The following CCDC77 variants were observed in gnomAD, a reference collection of about 807,000 sequenced individuals.
The protein encoded by CCDC77 is coiled-coil domain containing 77, also known as coiled-coil domain-containing protein 77.
CCDC77 carries 56 observed loss-of-function variants against 66.8 expected under a neutral mutation model. The observed-to-expected ratio is 0.84, with a 90% CI of 0.68 to 1.05. CCDC77 has a LOEUF of 1.05. Ranked by LOEUF, CCDC77 falls within the 50% of genes least tolerant of loss-of-function variation. CCDC77 has a pLI of 0.00. For missense variants in CCDC77, 570 were observed against 576.8 expected (o/e 0.99, Z 0.12); for synonymous variants, 196 against 195.2 (o/e 1.00, Z -0.03).
Position 431,929 on chromosome 12 carries a change from G to C in CCDC77, c.647G>C (p.Arg216Thr). 6.2e-7 allele frequency: 1 copy of C among 1,611,550 alleles called. No individual in the cohort carries two copies. The highest frequency in any genetic ancestry group is 1.1e-5 in the South Asian group (1 of 90,934). Residue 216 changes from arginine (R) to threonine (T), a missense_variant, in exon 8 of 13, where the codon AGA becomes ACA. Coordinates refer to ENST00000239830, the MANE Select transcript of CCDC77 (RefSeq NM_032358.4). ...ERKESSEHYQ[R>T]DIQTLILQVE... ...AAAGAAAGTTCTGAGCATTACCAAA[G>C]AGACATACAGACACTCATCCTACAG...
At chr12:399,854 C>G (rs1372640260), upstream of CCDC77, among the ~76,000 whole-genome samples, 1 of 152,182 alleles carries the variant, frequency 6.6e-6, no homozygotes, top group East Asian at 1.9e-4. Context: ...CTTAAAGTCA[C>G]CAGTTGCATT....
intron 1 of CCDC77, among the ~76,000 whole-genome samples, chr12:396,354 T>C (rs1944828344): frequency 6.6e-6 from 1 of 152,078 alleles, no homozygotes; most frequent in Non-Finnish European, 1.5e-5. Context: ...ATTATGCCAC[T>C]GCACTCCAGC....
chr12:413,139 C>T (rs1344005669), intron 4 of CCDC77, among the ~76,000 whole-genome samples: 1 of 151,488 alleles, frequency 6.6e-6, no homozygotes, highest in East Asian at 1.9e-4. Flanking sequence ...GGGGTTTCAC[C>T]GTGTTAGCCA....
intron 1 of CCDC77, among the ~76,000 whole-genome samples, chr12:389,761 G>C (rs1205097136): frequency 1.3e-5 from 2 of 152,186 alleles, no homozygotes; most frequent in Admixed American, 1.3e-4. Flanking sequence ...TTCGTAATTT[G>C]TTTTAACCTA....
chr12:423,486 T>G (rs978307724), intron 5 of CCDC77, among the ~76,000 whole-genome samples: 9 of 32,136 alleles, frequency 2.8e-4, no homozygotes, highest in South Asian at 2.3e-3. Flanking sequence ...TGTGTTTTTT[T>G]TTGTTTTGTT....
intron 5 of CCDC77, among the ~76,000 whole-genome samples, chr12:427,125 G>T (rs546416835): frequency 6.6e-6 from 1 of 152,032 alleles, no homozygotes; most frequent in Non-Finnish European, 1.5e-5. Flanking sequence ...TGCGCCTGTA[G>T]TCCCAGCTAC....
chr12:440,702 G>A lies in CCDC77; in HGVS notation c.1127G>A (p.Arg376Gln), dbSNP rs150474120. The change falls in exon 11 of 13, where the codon CGA becomes CAA. Residue 376 changes from arginine to glutamine, a missense_variant. Physicochemically the swap from Arg to Gln is conservative, Grantham distance 43 (BLOSUM62 1). Coordinates refer to ENST00000239830, the MANE Select transcript of CCDC77 (RefSeq NM_032358.4). ...ATTTCCTTAGAAGAAGAACTTGCCCGAATTCGTGAGGAAGAGGGAATGAGG... is the reference window on the plus strand; with the variant it reads ...ATTTCCTTAGAAGAAGAACTTGCCCAAATTCGTGAGGAAGAGGGAATGAGG... ...QCISLEEELA[R>Q]IREEEGMRRE... is the part of the protein sequence containing the mutation. 2.1e-5 allele frequency: 34 copies of A among 1,613,996 alleles called. No homozygotes were observed. The highest frequency in any genetic ancestry group is 6.7e-5 in the African/African-American group (5 of 74,948).
chr12:439,230 A>G (rs1945815038), intron 10 of CCDC77, among the ~76,000 whole-genome samples: 1 of 152,006 alleles, frequency 6.6e-6, no homozygotes, highest in African/African-American at 2.4e-5. Context: ...TAAGAAAATT[A>G]TAGATTAGGC....
intron 10 of CCDC77, among the ~76,000 whole-genome samples, chr12:439,789 A>G (rs868831863): frequency 6.9e-6 from 1 of 145,768 alleles, no homozygotes; most frequent in African/African-American, 2.5e-5. Context: ...CAGAAAAAAA[A>G]AAAGAAAAAA....
At chr12:399,812 A>G (rs571194099), upstream of CCDC77, among the ~76,000 whole-genome samples, 1 of 152,330 alleles carries the variant, frequency 6.6e-6, no homozygotes, top group African/African-American at 2.4e-5. Flanking sequence ...GGGCTCTAGG[A>G]TTTCAGGGAT....
chr12:431,438 C>T (rs1699598150), intron 7 of CCDC77, among the ~76,000 whole-genome samples: 1 of 152,022 alleles, frequency 6.6e-6, no homozygotes, highest in Non-Finnish European at 1.5e-5. Context: ...CTATGTCACT[C>T]AGGCTGGTTT....
intron 1 of CCDC77, among the ~76,000 whole-genome samples, chr12:394,279 T>C (rs1944798601): frequency 1.3e-5 from 2 of 152,242 alleles, no homozygotes; most frequent in Non-Finnish European, 2.9e-5. Context: ...CTGAGTGCGT[T>C]ATGTGTTCTT....
In CCDC77 at chr12:415,319, ATAATCAACATAATATTAT is replaced by A. The variant is rs1307997439; in HGVS notation, c.271-3174_271-3157del. Among the ~76,000 whole-genome samples, 25 of 111,584 alleles carry A rather than the reference ATAATCAACATAATATTAT, an allele frequency of 2.2e-4. 1 individual carries two copies. The highest frequency in any genetic ancestry group is 3.6e-4 in the Non-Finnish European group (19 of 53,150). 73.2% of individuals were successfully genotyped at this position (111,584 alleles called of 152,430 possible). A position where few individuals can be genotyped will look rare whatever the true frequency, so the allele number is the denominator to read the frequency against. ...ATAATCAACATAATATTATGTTAAT[ATAATCAACATAATATTAT>A]GTTAATATAATCAACATAATATTAT... On this transcript the variant is annotated intron_variant, in intron 4 of 12. Coordinates refer to ENST00000239830, the MANE Select transcript of CCDC77 (RefSeq NM_032358.4).
intron 1 of CCDC77, among the ~76,000 whole-genome samples, chr12:393,547 T>C (rs1275262880): frequency 6.6e-6 from 1 of 152,152 alleles, no homozygotes; most frequent in Admixed American, 6.5e-5. Context: ...CTTTTTTTTT[T>C]TTTGAGACAG....
At chr12:413,182 C>A (rs1486123071) in intron 4 of CCDC77, among the ~76,000 whole-genome samples, 2 of 151,512 alleles carry the variant, frequency 1.3e-5, no homozygotes, top group Non-Finnish European at 1.5e-5. Flanking sequence ...TCGTGATCTG[C>A]CCACCTCGGC....
At chr12:416,345 G>C (rs1241702508) in intron 4 of CCDC77, among the ~76,000 whole-genome samples, 1 of 32,670 alleles carries the variant, frequency 3.1e-5, no homozygotes, top group African/African-American at 1.2e-4. Flanking sequence ...GTGTGTGGGG[G>C]TGTGTGTGTG....
In CCDC77 at chr12:418,482, G is replaced by GT. The variant is rs1172456919; in HGVS notation, c.271-5dup. 5 of 1,613,688 alleles carry GT rather than the reference G, an allele frequency of 3.1e-6. No homozygotes were observed. The highest frequency in any genetic ancestry group is 3.4e-6 in the Non-Finnish European group (4 of 1,179,682). Reference sequence around the variant, plus strand: ...AGTGTCTTTCAACTATCTTATTGTGGTTTTTTTGCAGCATAAACTTGAATG... The same window carrying GT: ...AGTGTCTTTCAACTATCTTATTGTGGTTTTTTTTGCAGCATAAACTTGAATG... On this transcript the variant is annotated splice_polypyrimidine_tract_variant and intron_variant, in intron 4 of 12. Transcript: ENST00000239830.
intron 6 of CCDC77, 79 bp from the exon 7 acceptor site, chr12:430,585 A>G: frequency 9.8e-7 from 1 of 1,016,162 alleles, no homozygotes. Flanking sequence ...TCTAGTGTTC[A>G]ATCTGCAGAA....
intron 5 of CCDC77, among the ~76,000 whole-genome samples, chr12:423,396 T>C (rs1323692756): frequency 6.8e-6 from 1 of 146,744 alleles, no homozygotes; most frequent in African/African-American, 2.5e-5. Flanking sequence ...TGCCTCAGCC[T>C]CCCAAAGTGC....
Sources: allele counts gnomAD v4.1 joint callset (sites outside exome capture counted in the v4.1 genomes callset), GRCh38; gene constraint gnomAD v4.1.1; transcripts MANE v1.5; gene names NCBI Gene and HGNC (gene_info 2026-07-23, HGNC 2026-07-21).